Variants in KLRG1 observed in about 807,000 individuals in gnomAD.
KLRG1 encodes killer cell lectin-like receptor subfamily G member 1.
KLRG1 carries 16 observed loss-of-function variants against 21.8 expected under a neutral mutation model. The ratio of observed to expected loss-of-function variants is 0.73; its 90% CI spans 0.50 to 1.11. The LOEUF (loss-of-function observed/expected upper bound fraction) is 1.11, where lower values mean the gene tolerates loss of function less well. Ranked by LOEUF, KLRG1 falls within the 50% of genes most tolerant of loss-of-function variation. The probability of loss-of-function intolerance (pLI) is 0.00; values close to 1 mark genes in which losing one functional copy is unlikely to be tolerated. For synonymous variants in KLRG1, 69 were observed against 75.9 expected (o/e 0.91, Z 0.47); for missense variants, 173 against 218.3 (o/e 0.79, Z 1.31).
At chr12:9,049,828 C>T in the KLRG1 span, among the ~76,000 whole-genome samples, 1 of 152,042 alleles carries the variant, frequency 6.6e-6, no homozygotes, top group African/African-American at 2.4e-5. Context: ...ATATAAAAAA[C>T]GTATTTGAAA....
At chr12:9,165,553 G>T in the KLRG1 span, among the ~76,000 whole-genome samples, 2 of 152,122 alleles carry the variant, frequency 1.3e-5, no homozygotes, top group South Asian at 2.1e-4. Flanking sequence ...GCCACTGAAT[G>T]GTACCTCTCC....
At chr12:9,000,658 G>A (rs1210548972) in intron 3 of KLRG1, among the ~76,000 whole-genome samples, 1 of 152,132 alleles carries the variant, frequency 6.6e-6, no homozygotes, top group Admixed American at 6.5e-5. Context: ...TATTCACTTA[G>A]AACACTGTTT....
At chr12:9,077,542 A>G in the KLRG1 span, 1 of 1,454,566 alleles carries the variant, frequency 6.9e-7, no homozygotes, top group Non-Finnish European at 9.4e-7. Context: ...AGGGCAAAGT[A>G]TCACAATCAA....
At chr12:8,984,661 TA>T (rs1946812934), upstream of KLRG1, among the ~76,000 whole-genome samples, 1 of 152,226 alleles carries the variant, frequency 6.6e-6, no homozygotes, top group Non-Finnish European at 1.5e-5. Context: ...TTTTATTCAT[TA>T]TGACTATATT....
At chr12:9,050,280 TCTC>T in the KLRG1 span, among the ~76,000 whole-genome samples, 5 of 152,248 alleles carry the variant, frequency 3.3e-5, no homozygotes, top group Non-Finnish European at 4.4e-5. Flanking sequence ...ACTGTAATAA[TCTC>T]CTTGCCACCT....
At chr12:9,088,035 A>G in the KLRG1 span, among the ~76,000 whole-genome samples, 1 of 152,100 alleles carries the variant, frequency 6.6e-6, no homozygotes, top group Non-Finnish European at 1.5e-5. Flanking sequence ...AATTCCAAGG[A>G]AAGACCTAGA....
At chr12:9,020,562 T>A in the KLRG1 span, among the ~76,000 whole-genome samples, 2 of 152,218 alleles carry the variant, frequency 1.3e-5, no homozygotes, top group African/African-American at 2.4e-5. Context: ...GCATAATTAT[T>A]CTGAGATTCA....
At position 8,995,184 on chromosome 12, in the gene KLRG1, C is replaced by G. The variant is rs1406754197; in HGVS notation, c.253C>G (p.His85Asp). 3.1e-6 allele frequency: 5 copies of G among 1,613,616 alleles called. No homozygotes were observed. The highest frequency in any genetic ancestry group is 4.2e-6 in the Non-Finnish European group (5 of 1,179,844). The part of the protein sequence containing the change: ...CPDRWMKYGN[H>D]CYYFSVEEKD... The stretch of plus-strand genomic sequence containing the variant: ...AGACCGCTGGATGAAATATGGTAAC[C>G]ATTGTTATTATTTCTCAGTGGAGGA... Residue 85 changes from histidine to aspartate, a missense_variant, in exon 3 of 5, where the codon CAT becomes GAT. By Grantham distance (81) the His-to-Asp change is moderately conservative (BLOSUM62 -1). This residue lies in a region of KLRG1 where 144 missense variants were observed against 161.5 expected (regional missense o/e 0.89). Transcript: ENST00000356986.
the KLRG1 span, chr12:9,079,300 A>C: frequency 1.2e-6 from 2 of 1,613,714 alleles, no homozygotes; most frequent in East Asian, 2.2e-5. Flanking sequence ...AGGAGCCATC[A>C]TAGTGTTTGT....
intron 3 of KLRG1, among the ~76,000 whole-genome samples, chr12:9,003,159 G>A (rs1337072283): frequency 1.3e-5 from 2 of 151,936 alleles, no homozygotes; most frequent in Admixed American, 6.6e-5. Flanking sequence ...TTTGTACGTG[G>A]GCATTACCTA....
At chr12:9,181,337 C>T in the KLRG1 span, among the ~76,000 whole-genome samples, 1 of 152,238 alleles carries the variant, frequency 6.6e-6, no homozygotes, top group Non-Finnish European at 1.5e-5. Context: ...CAGATCCCAA[C>T]AACTCTAGAG....
the KLRG1 span, among the ~76,000 whole-genome samples, chr12:9,029,835 C>T: frequency 1.3e-5 from 2 of 152,186 alleles, no homozygotes; most frequent in Admixed American, 1.3e-4. Flanking sequence ...CGGCTCACTG[C>T]AACCTCTGCC....
At chr12:9,192,697 C>G in the KLRG1 span, 1 of 1,613,580 alleles carries the variant, frequency 6.2e-7, no homozygotes, top group Non-Finnish European at 8.5e-7. Flanking sequence ...TCTTCTGCTA[C>G]CCATGAATAG....
chr12:9,079,095 A>G, the KLRG1 span: 262 of 587,074 alleles, frequency 4.5e-4, no homozygotes, highest in Middle Eastern at 1.4e-3. Context: ...TCTTCTGATT[A>G]CCTTGCTAAT....
At chr12:9,157,477 T>A in the KLRG1 span, 32 of 900,290 alleles carry the variant, frequency 3.6e-5, no homozygotes, top group Non-Finnish European at 5.3e-5. Context: ...GACAGCTAGA[T>A]ATTCATCATA....
chr12:9,112,218 CAG>C, the KLRG1 span: 8 of 1,613,762 alleles, frequency 5.0e-6, no homozygotes, highest in Middle Eastern at 3.3e-4. Flanking sequence ...TTCACTGAAA[CAG>C]AAATATTTTT....
At chr12:9,184,620 C>G in the KLRG1 span, among the ~76,000 whole-genome samples, 1 of 152,238 alleles carries the variant, frequency 6.6e-6, no homozygotes, top group Non-Finnish European at 1.5e-5. Flanking sequence ...GGAGGGATCC[C>G]ACTGCTACCA....
At chr12:9,213,332 G>C in the KLRG1 span, among the ~76,000 whole-genome samples, 4 of 152,090 alleles carry the variant, frequency 2.6e-5, no homozygotes, top group Non-Finnish European at 4.4e-5. Context: ...TTTTTTGGGG[G>C]AATATATACA....
intron 1 of KLRG1, among the ~76,000 whole-genome samples, chr12:8,979,851 AT>A: frequency 6.6e-6 from 1 of 151,062 alleles, no homozygotes; most frequent in Non-Finnish European, 1.5e-5. Context: ...TCTGTATTGT[AT>A]TTTTTATTTT....
Sources: gnomAD v4.1 joint callset for allele counts (sites outside exome capture counted in the v4.1 genomes callset) on GRCh38, gnomAD v4.1.1 for gene constraint, gnomAD v4.1.1 regional missense constraint, MANE v1.5 for transcripts, NCBI Gene and HGNC (gene_info 2026-07-23, HGNC 2026-07-21) for gene names.